Variants in SPMAP2 observed in about 807,000 individuals in gnomAD.
The protein encoded by SPMAP2 is Theg homolog.
the SPMAP2 span, chr19:373,831 C>G: frequency 1.8e-6 from 2 of 1,088,294 alleles, no homozygotes; most frequent in Non-Finnish European, 1.4e-6. Context: ...AGGAGCCCTC[C>G]CTGATCCTCC....
At chr19:370,405 G>A in the SPMAP2 span, among the ~76,000 whole-genome samples, 1 of 151,350 alleles carries the variant, frequency 6.6e-6, no homozygotes, top group Admixed American at 6.6e-5. Flanking sequence ...GCAGTGGCGC[G>A]ATCTCGGCTC....
chr19:362,249 G>T, the SPMAP2 span: 3 of 1,577,252 alleles, frequency 1.9e-6, no homozygotes, highest in African/African-American at 1.3e-5. Context: ...TGCTTTTGGG[G>T]GTGGCAAGCT....
chr19:362,632 G>A, the SPMAP2 span, among the ~76,000 whole-genome samples: 5 of 152,034 alleles, frequency 3.3e-5, no homozygotes, highest in African/African-American at 1.2e-4. Context: ...GCTGAGCGTG[G>A]TGGTGCGTCT....
chr19:367,947 C>T, the SPMAP2 span, among the ~76,000 whole-genome samples: 2 of 152,150 alleles, frequency 1.3e-5, no homozygotes, highest in African/African-American at 4.8e-5. Flanking sequence ...TTTATGGTCA[C>T]GAACACCACG....
At chr19:371,440 G>T in the SPMAP2 span, 1 of 494,470 alleles carries the variant, frequency 2.0e-6, no homozygotes, top group South Asian at 6.0e-5. Flanking sequence ...TCCTCCATAT[G>T]TGTCTGTCTG....
the SPMAP2 span, chr19:374,130 A>G: frequency 6.9e-7 from 1 of 1,452,872 alleles, no homozygotes. Flanking sequence ...AGCCACTCCC[A>G]GTGTCTGGCC....
chr19:371,369 GGTGTGTGTGTGTGTGTGTGTGT>G, the SPMAP2 span: 4 of 850,632 alleles, frequency 4.7e-6, no homozygotes, highest in South Asian at 5.0e-5. Context: ...CGGGGGTGGG[GGTGTGTGTGTGTGTGTGTGTGT>G]GTGTGTGTGT....
chr19:369,139 C>T, the SPMAP2 span, among the ~76,000 whole-genome samples: 1 of 152,186 alleles, frequency 6.6e-6, no homozygotes, highest in Non-Finnish European at 1.5e-5. Context: ...ACACGTTTAA[C>T]TTTAAACCCC....
the SPMAP2 span, among the ~76,000 whole-genome samples, chr19:366,886 T>G: frequency 6.6e-6 from 1 of 152,200 alleles, no homozygotes; most frequent in Non-Finnish European, 1.5e-5. Flanking sequence ...ACACCTTTTT[T>G]TCCTGCTAGA....
the SPMAP2 span, among the ~76,000 whole-genome samples, chr19:370,317 A>G: frequency 2.0e-5 from 3 of 152,136 alleles, no homozygotes; most frequent in African/African-American, 7.2e-5. Context: ...ACGCCTCCAC[A>G]AAAAGCTGTA....
the SPMAP2 span, among the ~76,000 whole-genome samples, chr19:364,177 CAAAA>C: frequency 2.1e-4 from 30 of 145,422 alleles, no homozygotes; most frequent in African/African-American, 5.0e-4. Flanking sequence ...ACTAAAAATA[CAAAA>C]AAAAAATTAG....
chr19:372,421 G>A, the SPMAP2 span, among the ~76,000 whole-genome samples: 1,913 of 152,378 alleles, frequency 0.013, 20 homozygotes, highest in Non-Finnish European at 0.018. Context: ...TGGCAATGCA[G>A]TTGCACGGGG....
chr19:366,102 T>C, the SPMAP2 span, among the ~76,000 whole-genome samples: 2 of 151,508 alleles, frequency 1.3e-5, no homozygotes, highest in East Asian at 1.9e-4. Context: ...ATCGCGCCAC[T>C]GCACTCCAGC....
the SPMAP2 span, chr19:371,158 C>T: frequency 2.5e-6 from 3 of 1,198,158 alleles, no homozygotes; most frequent in South Asian, 3.8e-5. Context: ...CTGCCGGGTC[C>T]CAGCCCGCCT....
chr19:362,294 T>C, the SPMAP2 span: 60 of 1,606,748 alleles, frequency 3.7e-5, no homozygotes, highest in South Asian at 6.5e-4. Context: ...GTATCCCTCG[T>C]TGAGGCCCTT....
the SPMAP2 span, among the ~76,000 whole-genome samples, chr19:369,759 G>A: frequency 1.3e-5 from 2 of 152,228 alleles, no homozygotes; most frequent in African/African-American, 4.8e-5. Flanking sequence ...GTGAAGTTAA[G>A]AGCAATGTTT....
At chr19:366,393 G>A in the SPMAP2 span, among the ~76,000 whole-genome samples, 2 of 152,184 alleles carry the variant, frequency 1.3e-5, no homozygotes, top group South Asian at 2.1e-4. Context: ...TATACTCGCC[G>A]TGTGTGTGTG....
At chr19:365,889 T>C in the SPMAP2 span, among the ~76,000 whole-genome samples, 3 of 152,196 alleles carry the variant, frequency 2.0e-5, no homozygotes, top group South Asian at 6.2e-4. Flanking sequence ...ATGCCTGTAA[T>C]CCCAGCACTT....
the SPMAP2 span, chr19:374,047 T>C: frequency 2.1e-5 from 34 of 1,602,148 alleles, no homozygotes; most frequent in Non-Finnish European, 2.8e-5. Context: ...CACTGCCTCT[T>C]GCCCTGGGTC....
Sources: gnomAD v4.1 joint callset for allele counts (sites outside exome capture counted in the v4.1 genomes callset) on GRCh38, gnomAD v4.1.1 for gene constraint, MANE v1.5 for transcripts, NCBI Gene and HGNC (gene_info 2026-07-23, HGNC 2026-07-21) for gene names.